Variants in HERC2 observed in about 807,000 individuals in gnomAD.
HERC2 encodes the protein E3 ubiquitin-protein ligase HERC2.
HERC2 carries 102 observed loss-of-function variants against 537.7 expected under a neutral mutation model. That is an observed-to-expected ratio of 0.19 (90% CI 0.16 to 0.22). The LOEUF (loss-of-function observed/expected upper bound fraction) is 0.22. Among genes scored for constraint, HERC2 ranks in the 10% least tolerant of loss-of-function variants. The probability of loss-of-function intolerance (pLI) is 1.00; values close to 1 mark genes in which losing one functional copy is unlikely to be tolerated. For synonymous variants in HERC2, 2,224 were observed against 2,466.2 expected (o/e 0.90, Z 2.91); for missense variants, 4,236 against 6,198.2 (o/e 0.68, Z 10.63).
intron 15 of HERC2, among the ~76,000 whole-genome samples, 176 bp from the exon 16 acceptor site, chr15:28,261,146 G>A (rs2075404668): frequency 6.6e-6 from 1 of 152,144 alleles, no homozygotes; most frequent in African/African-American, 2.4e-5. Flanking sequence ...TAAAACTGCT[G>A]TATTTTGTCA....
At position 28,229,292 on chromosome 15, in the gene HERC2, C is replaced by A; in HGVS notation, c.5175G>T (p.Arg1725=). ...TGCCAAAGGTGACTTCCAGCAGCAT[C>A]CGATTAAAAGGCGGGATCAAATCAA... is the stretch of plus-strand genomic sequence containing the variant. ...KDVDLIPPFN[R]MLLEVTFGKL... is the part of the protein sequence containing the mutation. The change falls in exon 34 of 93, where the codon CGG becomes CGT. Residue 1725 remains arginine (R), a synonymous_variant. Coordinates refer to ENST00000261609, the MANE Select transcript of HERC2 (RefSeq NM_004667.6). 1 of 1,612,886 alleles carries A rather than the reference C, an allele frequency of 6.2e-7. No individual in the cohort carries two copies. The highest frequency in any genetic ancestry group is 8.5e-7 in the Non-Finnish European group (1 of 1,178,900).
intron 68 of HERC2, 147 bp from the exon 69 acceptor site, chr15:28,163,432 G>C: frequency 3.2e-5 from 21 of 660,928 alleles, no homozygotes; most frequent in Admixed American, 3.2e-5. Flanking sequence ...AACAGATTAA[G>C]AAACGACGGC....
At chr15:28,223,924 T>G (rs917008334) in intron 35 of HERC2, among the ~76,000 whole-genome samples, 55 of 152,120 alleles carry the variant, frequency 3.6e-4, no homozygotes, top group African/African-American at 1.3e-3. Context: ...TGATTGTTAC[T>G]TATTGGAACC....
intron 16 of HERC2, among the ~76,000 whole-genome samples, chr15:28,257,878 G>A (rs879931608): frequency 2.6e-5 from 4 of 151,544 alleles, no homozygotes; most frequent in Admixed American, 2.6e-4. Flanking sequence ...TAGAGACAGG[G>A]TTTCATGGTG....
At chr15:28,304,998 G>A (rs1183127021) in intron 2 of HERC2, among the ~76,000 whole-genome samples, 1 of 149,804 alleles carries the variant, frequency 6.7e-6, no homozygotes, top group African/African-American at 2.5e-5. Flanking sequence ...AGTTTACTAA[G>A]AATGATGGTT....
At chr15:28,246,948 G>A in intron 21 of HERC2, 51 bp from the exon 22 acceptor site, 3 of 1,492,932 alleles carry the variant, frequency 2.0e-6, no homozygotes, top group Non-Finnish European at 2.8e-6. Context: ...ATTTTTCTTT[G>A]TAAACAAACT....
rs2075815851 is a variant in HERC2, at chr15:28,274,338, C to T, written c.753G>A (p.Leu251=). The T allele has an allele frequency of 1.2e-6, 2 of 1,614,238 alleles. No individual in the cohort carries two copies. Among genetic ancestry groups the T allele is most frequent in the East Asian group, 4.5e-5 (2 of 44,884 alleles). Residue 251 remains leucine (L), a synonymous_variant, in exon 7 of 93, where the codon CTG becomes CTA. Transcript: ENST00000261609. ...FDESTVSSVW[L]EVVERATRFL... ...ACCTGGTCGCTCTCTCCACCACCTC[C>T]AGCCACACAGAGGACACGGTGCTCT...
At chr15:28,269,044 G>T (rs1397234076) in intron 11 of HERC2, among the ~76,000 whole-genome samples, 2 of 152,234 alleles carry the variant, frequency 1.3e-5, no homozygotes, top group African/African-American at 4.8e-5. Context: ...TTAGCAATGA[G>T]TTTCACTGTA....
In HERC2 at chr15:28,169,768, A is replaced by G. The variant is rs1229789670; in HGVS notation, c.10058-113T>C. 11 of 974,836 alleles carry G rather than the reference A, an allele frequency of 1.1e-5. No homozygotes were observed. In the Admixed American group the frequency reaches 2.2e-4, roughly 20 times the overall value. 60.4% of individuals were successfully genotyped at this position (974,836 alleles called of 1,614,324 possible). On this transcript the variant is annotated intron_variant, in intron 65 of 92. Coordinates refer to ENST00000261609, the MANE Select transcript of HERC2 (RefSeq NM_004667.6). The stretch of plus-strand genomic sequence containing the variant: ...AACACACTGCAATCTGCATTTTGCT[A>G]TTTCACAAAGCACCTATCAGGCTCA...
chr15:28,259,374 C>T (rs1266274255), intron 16 of HERC2, among the ~76,000 whole-genome samples: 1 of 152,036 alleles, frequency 6.6e-6, no homozygotes, highest in African/African-American at 2.4e-5. Context: ...GGATTACAGG[C>T]GTGAGCCACT....
intron 81 of HERC2, among the ~76,000 whole-genome samples, chr15:28,131,368 C>A (rs982764627): frequency 6.6e-6 from 1 of 152,108 alleles, no homozygotes; most frequent in Non-Finnish European, 1.5e-5. Context: ...ACACCTGCAA[C>A]CCCACAGCCC....
chr15:28,126,441 T>C (rs1280034693), intron 83 of HERC2, among the ~76,000 whole-genome samples: 3 of 152,202 alleles, frequency 2.0e-5, no homozygotes, highest in South Asian at 2.1e-4. Context: ...CACATGTTTA[T>C]AGCAGCACAA....
chr15:28,210,127 A>G (rs1326900753), intron 44 of HERC2, among the ~76,000 whole-genome samples: 1 of 141,654 alleles, frequency 7.1e-6, no homozygotes, highest in Non-Finnish European at 1.5e-5. Context: ...ATGCCCCACT[A>G]TTTTTTTTTA....
At chr15:28,119,399 C>CAAAAAAAAAAAAAA (rs201078187) in intron 86 of HERC2, among the ~76,000 whole-genome samples, 1 of 133,928 alleles carries the variant, frequency 7.5e-6, no homozygotes. Context: ...GACTCCCTCT[C>CAAAAAAAAAAAAAA]AAAAAAAAAA....
chr15:28,227,171 A>T (rs1162945946), intron 35 of HERC2, among the ~76,000 whole-genome samples: 1 of 152,140 alleles, frequency 6.6e-6, no homozygotes, highest in African/African-American at 2.4e-5. Flanking sequence ...GCTACTCGGG[A>T]GGCTGAGGCA....
chr15:28,195,266 G>C (rs1453060731), intron 52 of HERC2, among the ~76,000 whole-genome samples: 1 of 152,042 alleles, frequency 6.6e-6, no homozygotes, highest in East Asian at 1.9e-4. Context: ...TACACAGAGT[G>C]AGACTCTGTC....
intron 57 of HERC2, 39 bp from the exon 58 acceptor site, chr15:28,179,262 A>G: frequency 6.3e-6 from 9 of 1,433,702 alleles, no homozygotes; most frequent in Non-Finnish European, 7.7e-6. Context: ...AAAGAAAAGA[A>G]AATTTTACTT....
intron 20 of HERC2, among the ~76,000 whole-genome samples, chr15:28,252,469 C>CACTTTAAA (rs1251144993): frequency 1.3e-5 from 2 of 152,200 alleles, no homozygotes; most frequent in Non-Finnish European, 2.9e-5. Context: ...GGAAAATGCT[C>CACTTTAAA]ACTTTAAAAC....
chr15:28,111,479 TTATA>T lies in HERC2; in HGVS notation c.*280_*283del. ...TTTTGGGGATGCTGCAATTTGGTAT[TTATA>T]TAAACATTTACACACTTTAGTAAAC... On this transcript the variant is annotated 3_prime_UTR_variant, in exon 93 of 93. Transcript: ENST00000261609. 1 of 400,258 alleles carries T rather than the reference TTATA, an allele frequency of 2.5e-6. No individual in the cohort carries two copies. The highest frequency in any genetic ancestry group is 4.4e-6 in the Non-Finnish European group (1 of 226,216). 24.8% of individuals were successfully genotyped at this position (400,258 alleles called of 1,614,324 possible). A position where few individuals can be genotyped will look rare whatever the true frequency, so the allele number is the denominator to read the frequency against.
Sources: allele counts gnomAD v4.1 joint callset (sites outside exome capture counted in the v4.1 genomes callset), GRCh38; gene constraint gnomAD v4.1.1; transcripts MANE v1.5; gene names NCBI Gene and HGNC (gene_info 2026-07-23, HGNC 2026-07-21).